The following MBD5 variants were observed in gnomAD, a reference collection of about 807,000 sequenced individuals.
The protein encoded by MBD5 is methyl-CpG binding domain protein 5, also known as methyl-CpG-binding domain protein 5.
MBD5 carries 13 observed loss-of-function variants against 117.3 expected under a neutral mutation model. The observed-to-expected ratio is 0.11, with a 90% CI of 0.07 to 0.18. The LOEUF is 0.18. Among genes scored for constraint, MBD5 ranks in the 10% least tolerant of loss-of-function variants. The pLI is 1.00. For missense variants in MBD5, 1,879 were observed against 2,093.8 expected (o/e 0.90, Z 2.00); for synonymous variants, 727 against 766.4 (o/e 0.95, Z 0.85).
intron 3 of MBD5, among the ~76,000 whole-genome samples, chr2:148,287,929 C>T (rs764874856): frequency 9.2e-5 from 14 of 152,062 alleles, no homozygotes; most frequent in Non-Finnish European, 1.8e-4. Context: ...CTTTGGGGGA[C>T]GCACTCACTC....
At chr2:148,094,750 A>G (rs911047164) in intron 1 of MBD5, among the ~76,000 whole-genome samples, 8 of 152,140 alleles carry the variant, frequency 5.3e-5, no homozygotes, top group African/African-American at 1.2e-4. Context: ...TAATTTTCTA[A>G]AAGCCTAATT....
intron 4 of MBD5, among the ~76,000 whole-genome samples, chr2:148,386,366 G>C (rs1215204307): frequency 6.6e-6 from 1 of 152,080 alleles, no homozygotes. Context: ...AGAGATAAGT[G>C]ATATGATTAA....
At chr2:148,278,790 A>G (rs941689413) in intron 3 of MBD5, among the ~76,000 whole-genome samples, 1 of 152,162 alleles carries the variant, frequency 6.6e-6, no homozygotes, top group Admixed American at 6.5e-5. Context: ...ATACTCACTC[A>G]GTCCAAGTAT....
At position 148,085,207 on chromosome 2, in the gene MBD5, C is replaced by T. The variant is rs142115038; in HGVS notation, c.-925+63523C>T. 4.4e-3 allele frequency among the ~76,000 whole-genome samples: 666 copies of T among 152,196 alleles called. 4 individuals carry two copies. The highest frequency in any genetic ancestry group is 7.2e-3 in the Non-Finnish European group (493 of 68,010). ...GGAATGGTGGGTTTTGTTGGCAGTC[C>T]GTATAAAGCAAGGTTCCCCACATCA... On this transcript the variant is annotated intron_variant, in intron 1 of 13. Coordinates refer to ENST00000642680, the MANE Select transcript of MBD5 (RefSeq NM_001378120.1).
intron 1 of MBD5, among the ~76,000 whole-genome samples, chr2:148,140,420 C>T (rs1217971751): frequency 6.6e-6 from 1 of 152,060 alleles, no homozygotes; most frequent in East Asian, 1.9e-4. Flanking sequence ...TATTTTACCA[C>T]TTTTTTTGGT....
At chr2:148,211,075 A>C (rs549637486) in intron 2 of MBD5, among the ~76,000 whole-genome samples, 2 of 152,180 alleles carry the variant, frequency 1.3e-5, no homozygotes, top group African/African-American at 4.8e-5. Flanking sequence ...CCAATTTATA[A>C]GTTTTATTGA....
chr2:148,363,029 G>A (rs1053022637), intron 4 of MBD5, among the ~76,000 whole-genome samples: 1 of 152,046 alleles, frequency 6.6e-6, no homozygotes, highest in Non-Finnish European at 1.5e-5. Context: ...TGAAGATGAG[G>A]AAAAAACAGT....
chr2:148,091,653 C>G (rs762438731), intron 1 of MBD5, among the ~76,000 whole-genome samples: 11 of 152,058 alleles, frequency 7.2e-5, no homozygotes, highest in Admixed American at 2.6e-4. Context: ...ATACAAAAAT[C>G]CATTCAAGAC....
intron 1 of MBD5, among the ~76,000 whole-genome samples, chr2:148,073,219 A>G (rs992360586): frequency 2.6e-5 from 4 of 152,164 alleles, no homozygotes; most frequent in African/African-American, 9.7e-5. Context: ...GATGAAGTCA[A>G]TGTAGAAGAG....
chr2:148,455,375 G>C lies in MBD5; in HGVS notation c.-556-2828G>C, dbSNP rs368391784. Among the ~76,000 whole-genome samples the C allele has an allele frequency of 3.9e-5, 6 of 152,152 alleles. No homozygotes were observed. The East Asian group carries it at 5.8e-4, about 15-fold the overall frequency. ...TAAAACCAGCCTTTTCTTGGGAAGA[G>C]AGGCAGACGGATTAGGGTGTCAGTC... On this transcript the variant is annotated intron_variant, in intron 4 of 13. Coordinates refer to ENST00000642680, the MANE Select transcript of MBD5 (RefSeq NM_001378120.1).
At chr2:148,452,778 C>A (rs1706767315) in intron 4 of MBD5, among the ~76,000 whole-genome samples, 1 of 152,086 alleles carries the variant, frequency 6.6e-6, no homozygotes, top group East Asian at 1.9e-4. Flanking sequence ...TATCAGTTTT[C>A]TTGGAAGCCC....
intron 1 of MBD5, among the ~76,000 whole-genome samples, chr2:148,062,930 A>G (rs770375491): frequency 6.6e-6 from 1 of 152,144 alleles, no homozygotes; most frequent in Non-Finnish European, 1.5e-5. Context: ...ACAATAAAGT[A>G]CAACCAAGAC....
chr2:148,403,621 A>G (rs550078138), intron 4 of MBD5, among the ~76,000 whole-genome samples: 1 of 152,360 alleles, frequency 6.6e-6, no homozygotes, highest in East Asian at 1.9e-4. Flanking sequence ...GAGAAATCCT[A>G]TGTGCCTTCT....
At chr2:148,355,122 TG>T (rs201642138) in intron 4 of MBD5, among the ~76,000 whole-genome samples, 31,715 of 151,370 alleles carry the variant, frequency 0.21, 3,848 homozygotes, top group East Asian at 0.53. Context: ...TGGGGTTGTT[TG>T]TTTTTTTTCT....
At chr2:148,259,961 A>G (rs1700694250) in intron 3 of MBD5, among the ~76,000 whole-genome samples, 1 of 152,210 alleles carries the variant, frequency 6.6e-6, no homozygotes, top group Admixed American at 6.5e-5. Context: ...CTGAGCCTTC[A>G]GCAAATAATA....
chr2:148,322,254 C>G (rs1294375638), intron 3 of MBD5, among the ~76,000 whole-genome samples: 1 of 152,200 alleles, frequency 6.6e-6, no homozygotes, highest in East Asian at 1.9e-4. Flanking sequence ...GCTTATACAA[C>G]TAAGCTTTTA....
At chr2:148,439,846 C>A (rs1482905963) in intron 4 of MBD5, among the ~76,000 whole-genome samples, 1 of 151,144 alleles carries the variant, frequency 6.6e-6, no homozygotes, top group African/African-American at 2.4e-5. Flanking sequence ...TCAAGCATTC[C>A]TTCTGCCTCA....
At chr2:148,154,580 C>G (rs187130585) in intron 1 of MBD5, among the ~76,000 whole-genome samples, 24 of 152,304 alleles carry the variant, frequency 1.6e-4, no homozygotes, top group South Asian at 1.0e-3. Context: ...TATCAATCAG[C>G]GAGACTCCCT....
At chr2:148,334,105 A>G (rs1702727968) in intron 3 of MBD5, among the ~76,000 whole-genome samples, 1 of 152,074 alleles carries the variant, frequency 6.6e-6, no homozygotes, top group South Asian at 2.1e-4. Context: ...TTTCTAACCA[A>G]GTTTGTTCAT....
Sources: allele counts gnomAD v4.1 joint callset (sites outside exome capture counted in the v4.1 genomes callset), GRCh38; gene constraint gnomAD v4.1.1; transcripts MANE v1.5; gene names NCBI Gene and HGNC (gene_info 2026-07-23, HGNC 2026-07-21).